CTNNA2: variants seen among roughly 807,000 people sequenced by gnomAD.
CTNNA2 encodes the protein catenin alpha-2.
In CTNNA2, 42 loss-of-function variants were observed where a neutral mutation model predicts 101.0. The observed-to-expected ratio is 0.42, with a 90% CI of 0.32 to 0.54. The LOEUF (loss-of-function observed/expected upper bound fraction) is 0.54, where lower values mean the gene tolerates loss of function less well. Among genes scored for constraint, CTNNA2 ranks in the 20% least tolerant of loss-of-function variants. The pLI, the probability that CTNNA2 is intolerant of heterozygous loss-of-function variation, is 0.14. For missense variants in CTNNA2, 871 were observed against 1,223.1 expected (o/e 0.71, Z 4.29); for synonymous variants, 450 against 456.4 (o/e 0.99, Z 0.18).
intron 11 of CTNNA2, among the ~76,000 whole-genome samples, chr2:80,552,721 G>C (rs1692682519): frequency 6.6e-6 from 1 of 152,088 alleles, no homozygotes; most frequent in African/African-American, 2.4e-5. Flanking sequence ...AACTTGTACA[G>C]CACGTTACTG....
chr2:79,803,482 T>C (rs1676325946), intron 3 of CTNNA2, among the ~76,000 whole-genome samples: 1 of 152,234 alleles, frequency 6.6e-6, no homozygotes, highest in Admixed American at 6.5e-5. Context: ...AAGGAATAGG[T>C]TGGGCTAGTT....
intron 1 of CTNNA2, among the ~76,000 whole-genome samples, chr2:79,575,831 A>G (rs1197949572): frequency 6.6e-6 from 1 of 152,188 alleles, no homozygotes; most frequent in African/African-American, 2.4e-5. Context: ...TTGTAGAGAA[A>G]TTGATCTGGA....
rs1690234860 is a variant in CTNNA2 at position 80,528,478 on chromosome 2, G to A, written c.1291-16504G>A. The stretch of plus-strand genomic sequence containing the variant: ...CCCAAAGTGCTGGGATTACAGGCGT[G>A]AGCCACCGTGCCCAGCCCTTAGCCA... On this transcript the variant is annotated intron_variant, in intron 9 of 18. Transcript: ENST00000402739. Among the ~76,000 whole-genome samples the A allele has an allele frequency of 2.0e-5, 3 of 152,122 alleles. No individual in the cohort carries two copies. In the South Asian group the frequency reaches 6.2e-4, roughly 32 times the overall value.
intron 7 of CTNNA2, among the ~76,000 whole-genome samples, chr2:80,193,446 T>G (rs1027512457): frequency 6.6e-6 from 1 of 152,214 alleles, no homozygotes; most frequent in African/African-American, 2.4e-5. Flanking sequence ...AAGTCAGGCA[T>G]GTATGCATTC....
At chr2:79,252,817 GT>G (rs5832372) in intron 2 of CTNNA2, among the ~76,000 whole-genome samples, 64,946 of 148,224 alleles carry the variant, frequency 0.44, 14,658 homozygotes, top group East Asian at 0.51. Context: ...ATTATCAACT[GT>G]TTTTTTTTTT....
chr2:79,859,520 C>G (rs896153199), intron 4 of CTNNA2, among the ~76,000 whole-genome samples: 2 of 152,176 alleles, frequency 1.3e-5, no homozygotes, highest in Non-Finnish European at 2.9e-5. Context: ...GCAGCCTGAG[C>G]TCCGAGGTCA....
At chr2:80,375,650 C>T (rs1018384304) in intron 7 of CTNNA2, among the ~76,000 whole-genome samples, 9 of 146,266 alleles carry the variant, frequency 6.2e-5, no homozygotes, top group Admixed American at 2.8e-4. Context: ...CTGCAAGCTC[C>T]GCCTCCCAGG....
intron 9 of CTNNA2, among the ~76,000 whole-genome samples, chr2:80,434,485 CTTTTTTTT>C (rs1169944635): frequency 3.3e-5 from 3 of 89,962 alleles, no homozygotes; most frequent in South Asian, 3.8e-4. Flanking sequence ...TTCTGTGTCT[CTTTTTTTT>C]TTTTTTTTTT....
intron 2 of CTNNA2, among the ~76,000 whole-genome samples, chr2:79,301,557 T>G (rs1361753448): frequency 6.6e-6 from 1 of 152,212 alleles, no homozygotes; most frequent in South Asian, 2.1e-4. Context: ...CTACGTTCGC[T>G]GCTAATGTCT....
intron 7 of CTNNA2, among the ~76,000 whole-genome samples, chr2:80,356,099 T>C (rs893826177): frequency 1.3e-4 from 20 of 152,148 alleles, no homozygotes; most frequent in African/African-American, 4.8e-4. Flanking sequence ...TTCTTTTCTC[T>C]CTCTGCAAAG....
At chr2:79,458,013 A>T (rs1670843753) in intron 4 of CTNNA2, among the ~76,000 whole-genome samples, 1 of 152,192 alleles carries the variant, frequency 6.6e-6, no homozygotes, top group Non-Finnish European at 1.5e-5. Flanking sequence ...CAGCTGCAGG[A>T]TCTGTGCTGG....
At chr2:80,619,026 T>TC in intron 17 of CTNNA2, 59 bp from the exon 18 acceptor site, 1 of 1,196,350 alleles carries the variant, frequency 8.4e-7, no homozygotes, top group East Asian at 2.9e-5. Flanking sequence ...AGGGTACTTT[T>TC]TTTTTTTTTC....
intron 7 of CTNNA2, among the ~76,000 whole-genome samples, chr2:79,981,103 C>T (rs1046949802): frequency 2.0e-5 from 3 of 152,030 alleles, no homozygotes; most frequent in East Asian, 1.9e-4. Flanking sequence ...ATGATACATT[C>T]GCTTCTGTCC....
intron 4 of CTNNA2, among the ~76,000 whole-genome samples, chr2:79,379,513 A>C (rs1326440782): frequency 6.6e-6 from 1 of 152,164 alleles, no homozygotes; most frequent in Admixed American, 6.5e-5. Context: ...ACTTATGTCT[A>C]CTTAGCTCAC....
intron 6 of CTNNA2, among the ~76,000 whole-genome samples, chr2:79,885,904 G>A (rs1683822623): frequency 6.6e-6 from 1 of 152,190 alleles, no homozygotes; most frequent in Non-Finnish European, 1.5e-5. Flanking sequence ...GTATGTGTAA[G>A]CATGGGCTAC....
chr2:80,089,493 C>G (rs932621393), intron 7 of CTNNA2, among the ~76,000 whole-genome samples: 5 of 151,914 alleles, frequency 3.3e-5, no homozygotes, highest in Non-Finnish European at 7.4e-5. Flanking sequence ...CTTGAAAGCT[C>G]TCTCTTCCTT....
intron 7 of CTNNA2, among the ~76,000 whole-genome samples, chr2:79,929,324 G>A (rs962291942): frequency 1.3e-5 from 2 of 152,024 alleles, no homozygotes; most frequent in African/African-American, 4.8e-5. Context: ...GATAGTGAGA[G>A]GAGAATAACT....
chr2:80,226,100 A>T (rs1397558755), intron 7 of CTNNA2, among the ~76,000 whole-genome samples: 2 of 152,176 alleles, frequency 1.3e-5, no homozygotes, highest in Non-Finnish European at 2.9e-5. Context: ...TCAGATGAGG[A>T]TTGAGATAAT....
At chr2:79,840,990 T>C (rs189882625) in intron 3 of CTNNA2, among the ~76,000 whole-genome samples, 47 of 152,188 alleles carry the variant, frequency 3.1e-4, no homozygotes, top group African/African-American at 1.1e-3. Context: ...AACATGGTCT[T>C]GATCTCCTGA....
Sources: gnomAD v4.1 joint callset for allele counts (sites outside exome capture counted in the v4.1 genomes callset) on GRCh38, gnomAD v4.1.1 for gene constraint, MANE v1.5 for transcripts, NCBI Gene and HGNC (gene_info 2026-07-23, HGNC 2026-07-21) for gene names.